ARFGAP3: variants seen among roughly 807,000 people sequenced by gnomAD.
ARFGAP3 encodes the protein ADP-ribosylation factor GTPase-activating protein 3.
Under a neutral mutation model 75.0 loss-of-function variants are expected in ARFGAP3, and 72 were observed. The observed-to-expected ratio is 0.96, with a 90% CI of 0.79 to 1.17. The LOEUF (loss-of-function observed/expected upper bound fraction) is 1.17, where lower values mean the gene tolerates loss of function less well. Among genes scored for constraint, ARFGAP3 ranks in the 50% most tolerant of loss-of-function variants. The pLI, the probability that ARFGAP3 is intolerant of heterozygous loss-of-function variation, is 0.00. For synonymous variants in ARFGAP3, 221 were observed against 217.9 expected (o/e 1.01, Z -0.13); for missense variants, 620 against 626.6 (o/e 0.99, Z 0.11).
rs1602142159 is a variant in ARFGAP3, at chr22:42,857,226, A to G, written c.-44T>C. Reference sequence around the variant, plus strand: ...GCGCAGCTGGCCCAGCCAACCGGTAAGAGTCGACGAAAAGCGGCTACCGCC... The same window carrying G: ...GCGCAGCTGGCCCAGCCAACCGGTAGGAGTCGACGAAAAGCGGCTACCGCC... On this transcript the variant is annotated 5_prime_UTR_variant, in exon 1 of 16. Coordinates refer to ENST00000263245, the MANE Select transcript of ARFGAP3 (RefSeq NM_014570.5). The G allele has an allele frequency of 1.3e-6, 2 of 1,494,086 alleles. No individual in the cohort carries two copies. Among genetic ancestry groups the G allele is most frequent in the African/African-American group, 1.5e-5 (1 of 68,688 alleles). The allele number at this position is 1,494,086 out of a possible 1,614,324, so 92.6% of individuals were successfully genotyped here. A position where few individuals can be genotyped will look rare whatever the true frequency, so the allele number is the denominator to read the frequency against.
intron 2 of ARFGAP3, among the ~76,000 whole-genome samples, chr22:42,846,906 T>C (rs1195285718): frequency 6.6e-6 from 1 of 152,218 alleles, no homozygotes; most frequent in Non-Finnish European, 1.5e-5. Flanking sequence ...GAAGTTGATT[T>C]CTTACAGTTA....
intron 14 of ARFGAP3, among the ~76,000 whole-genome samples, chr22:42,800,371 A>G (rs1035084448): frequency 6.6e-6 from 1 of 152,126 alleles, no homozygotes; most frequent in Non-Finnish European, 1.5e-5. Flanking sequence ...CTCTACTAAA[A>G]ATACAAAAAA....
chr22:42,834,365 G>C (rs373428882), intron 4 of ARFGAP3, 40 bp from the exon 5 acceptor site: 4 of 1,599,392 alleles, frequency 2.5e-6, no homozygotes, highest in Middle Eastern at 3.3e-4. Context: ...CATTTCATCC[G>C]GCCTGTAAAG....
chr22:42,837,672 C>CCTCTTTTTTTTTTTT (rs1569163579), intron 3 of ARFGAP3, among the ~76,000 whole-genome samples: 2 of 67,310 alleles, frequency 3.0e-5, no homozygotes, highest in African/African-American at 1.7e-4. Context: ...CTAAGGCATA[C>CCTCTTTTTTTTTTTT]TTCTTTTTTT....
chr22:42,811,719 T>C (rs984867252), intron 11 of ARFGAP3, among the ~76,000 whole-genome samples: 1 of 152,220 alleles, frequency 6.6e-6, no homozygotes, highest in Non-Finnish European at 1.5e-5. Context: ...TACACTTTAA[T>C]TAGCCAATTG....
chr22:42,822,603 C>G (rs1038892562), intron 8 of ARFGAP3, 194 bp from the exon 9 acceptor site: 4 of 219,530 alleles, frequency 1.8e-5, no homozygotes, highest in African/African-American at 9.4e-5. Context: ...ATTGGTTTCA[C>G]GACCCTGTGG....
chr22:42,849,012 C>T (rs1178690059), intron 1 of ARFGAP3, among the ~76,000 whole-genome samples: 1 of 152,168 alleles, frequency 6.6e-6, no homozygotes, highest in East Asian at 1.9e-4. Context: ...GGTGCCATGT[C>T]TTGAGGACAC....
At chr22:42,823,884 A>C in intron 7 of ARFGAP3, 182 bp from the exon 8 acceptor site, 2 of 454,180 alleles carry the variant, frequency 4.4e-6, no homozygotes, top group Non-Finnish European at 5.8e-6. Context: ...GAACTTTGTC[A>C]AAATGGTGTC....
chr22:42,842,438 G>A, intron 2 of ARFGAP3, among the ~76,000 whole-genome samples: 1 of 149,430 alleles, frequency 6.7e-6, no homozygotes, highest in East Asian at 2.0e-4. Context: ...GAGCCACCAT[G>A]CCCAGTGAAC....
At chr22:42,801,859 C>G (rs1405962552) in intron 14 of ARFGAP3, among the ~76,000 whole-genome samples, 1 of 152,106 alleles carries the variant, frequency 6.6e-6, no homozygotes, top group Non-Finnish European at 1.5e-5. Flanking sequence ...TGCAAGGGGG[C>G]CTAACCAGGC....
intron 6 of ARFGAP3, among the ~76,000 whole-genome samples, chr22:42,831,144 C>T (rs1926264845): frequency 6.6e-6 from 1 of 151,910 alleles, no homozygotes; most frequent in Admixed American, 6.6e-5. Flanking sequence ...AAAAATTAGC[C>T]AGATGTGCGG....
In ARFGAP3 at chr22:42,810,876, T is replaced by A. The variant is rs61730560; in HGVS notation, c.1133A>T (p.Tyr378Phe). The part of the protein sequence containing the change: ...FSSWDDSSDS[Y>F]WKKETSKDTE... ...ATCTTTGCTGGTCTCTTTTTTCCAA[T>A]AGGAATCTGAACTGTCATCCCAGCT... The change falls in exon 12 of 16, where the codon TAT becomes TTT. Residue 378 changes from tyrosine (Y) to phenylalanine (F), a missense_variant. Physicochemically the swap from Tyr to Phe is conservative, Grantham distance 22. Coordinates refer to ENST00000263245, the MANE Select transcript of ARFGAP3 (RefSeq NM_014570.5). 1.2e-6 allele frequency: 2 copies of A among 1,614,072 alleles called. No homozygotes were observed. The highest frequency in any genetic ancestry group is 2.7e-5 in the African/African-American group (2 of 74,922).
At chr22:42,811,368 T>C (rs1241264724) in intron 11 of ARFGAP3, among the ~76,000 whole-genome samples, 1 of 152,234 alleles carries the variant, frequency 6.6e-6, no homozygotes, top group Non-Finnish European at 1.5e-5. Context: ...TAACTTGGCC[T>C]ATCCAGACAA....
chr22:42,850,571 C>CAAAAA (rs57841993), intron 1 of ARFGAP3, among the ~76,000 whole-genome samples: 4 of 57,580 alleles, frequency 6.9e-5, no homozygotes, highest in Non-Finnish European at 1.2e-4. Context: ...ACCCTGCTAT[C>CAAAAA]AAAAAAAAAA....
chr22:42,822,980 T>G (rs763434898), intron 8 of ARFGAP3, among the ~76,000 whole-genome samples: 1 of 152,020 alleles, frequency 6.6e-6, no homozygotes, highest in Non-Finnish European at 1.5e-5. Flanking sequence ...CGGCTACTTT[T>G]TGTATTTTTT....
At position 42,810,824 on chromosome 22, in the gene ARFGAP3, G is replaced by A; in HGVS notation, c.1185C>T (p.Gly395=). 6.2e-7 allele frequency: 1 copy of A among 1,613,822 alleles called. No homozygotes were observed. The highest frequency in any genetic ancestry group is 8.5e-7 in the Non-Finnish European group (1 of 1,179,720). Residue 395 remains glycine (G), a synonymous_variant, in exon 12 of 16, where the codon GGC becomes GGT. Transcript: ENST00000263245. Reference sequence around the variant, plus strand: ...TTTTGCATTCATACCTGTCTGAATAGCCTGTGGTTTTCAGAACTGTTTCAG... The same window carrying A: ...TTTTGCATTCATACCTGTCTGAATAACCTGTGGTTTTCAGAACTGTTTCAG... The part of the protein sequence containing the change: ...KDTETVLKTT[G]YSDRPTARRK...
intron 9 of ARFGAP3, among the ~76,000 whole-genome samples, chr22:42,820,193 C>T (rs1005775656): frequency 2.0e-5 from 3 of 152,174 alleles, no homozygotes; most frequent in Admixed American, 1.3e-4. Flanking sequence ...CTGGACAGAG[C>T]CTACTCCCAA....
intron 6 of ARFGAP3, among the ~76,000 whole-genome samples, chr22:42,828,696 T>C (rs1338194664): frequency 6.7e-6 from 1 of 149,908 alleles, no homozygotes; most frequent in East Asian, 1.9e-4. Flanking sequence ...TTTTTTTTTT[T>C]TTTTTCTGAG....
chr22:42,822,163 C>T (rs1236745878), intron 9 of ARFGAP3, 107 bp downstream of exon 9: 6 of 711,652 alleles, frequency 8.4e-6, no homozygotes, highest in Non-Finnish European at 1.4e-5. Context: ...TTTTGCAGTA[C>T]CCTCCCTTCC....
Sources: gnomAD v4.1 joint callset for allele counts (sites outside exome capture counted in the v4.1 genomes callset) on GRCh38, gnomAD v4.1.1 for gene constraint, MANE v1.5 for transcripts, NCBI Gene and HGNC (gene_info 2026-07-23, HGNC 2026-07-21) for gene names.